The following TBC1D32 variants were observed in gnomAD, a reference collection of about 807,000 sequenced individuals.
TBC1D32 encodes the protein protein broad-minded.
A neutral mutation model predicts 170.3 loss-of-function variants in TBC1D32; 151 were observed. The observed-to-expected ratio is 0.89, with a 90% CI of 0.78 to 1.01. TBC1D32 has a LOEUF of 1.01. TBC1D32 is among the 50% of genes least tolerant of loss of function. TBC1D32 has a pLI of 0.00. For missense variants in TBC1D32, 1,464 were observed against 1,457.1 expected, an observed-to-expected ratio of 1.00 and a Z score of -0.08; for synonymous variants, 498 against 488.0, an observed-to-expected ratio of 1.02 and a Z score of -0.27.
At chr6:121,318,527 A>T (rs916760514) in intron 2 of TBC1D32, among the ~76,000 whole-genome samples, 8 of 152,040 alleles carry the variant, frequency 5.3e-5, no homozygotes, top group Non-Finnish European at 1.2e-4. Flanking sequence ...AAAAAGGCAT[A>T]AAGATGTAAG....
chr6:121,198,085 A>C lies in TBC1D32; in HGVS notation c.2570+6990T>G, dbSNP rs186228094. ...GTTGGACCGGCTCTCCTTGCTCCTC[A>C]AGTTTGCAGACAGCCTATTGTGAAA... On this transcript the variant is annotated intron_variant, in intron 22 of 31. Coordinates refer to ENST00000398212, the MANE Select transcript of TBC1D32 (RefSeq NM_152730.6). Among the ~76,000 whole-genome samples the C allele has an allele frequency of 6.4e-4, 94 of 146,388 alleles. 3 individuals are homozygous for C. The highest frequency in any genetic ancestry group is 2.4e-3 in the African/African-American group (88 of 36,450).
chr6:121,239,945 T>C (rs2128358044), intron 19 of TBC1D32, among the ~76,000 whole-genome samples: 1 of 152,258 alleles, frequency 6.6e-6, no homozygotes, highest in East Asian at 1.9e-4. Context: ...TCAAGAATAT[T>C]AGAGTTTAAA....
At chr6:121,281,780 A>G (rs1803031347) in intron 13 of TBC1D32, 94 bp from the exon 14 acceptor site, 2 of 891,490 alleles carry the variant, frequency 2.2e-6, no homozygotes, top group Non-Finnish European at 3.3e-6. Context: ...TCAACATCAA[A>G]GTTAATTCAG....
chr6:121,091,311 T>C (rs1206727363), intron 30 of TBC1D32, among the ~76,000 whole-genome samples: 1 of 152,194 alleles, frequency 6.6e-6, no homozygotes. Flanking sequence ...GCCTTTTTTA[T>C]TCTTATTGTG....
chr6:121,236,689 A>G (rs1796367566), intron 20 of TBC1D32, among the ~76,000 whole-genome samples: 1 of 152,102 alleles, frequency 6.6e-6, no homozygotes, highest in South Asian at 2.1e-4. Context: ...AAGTCAAACA[A>G]ATTGAATAAA....
chr6:121,201,194 T>G (rs1039553749), intron 22 of TBC1D32, among the ~76,000 whole-genome samples: 1 of 151,216 alleles, frequency 6.6e-6, no homozygotes, highest in Non-Finnish European at 1.5e-5. Context: ...AGAATACGTA[T>G]TCAATAAATA....
At chr6:121,212,783 T>C (rs902557295) in intron 21 of TBC1D32, among the ~76,000 whole-genome samples, 3 of 152,080 alleles carry the variant, frequency 2.0e-5, no homozygotes, top group Non-Finnish European at 4.4e-5. Flanking sequence ...TTTGATGAAC[T>C]TGATGCAAAA....
chr6:121,085,300 CATATATATACATAT>C (rs1776115270), intron 31 of TBC1D32, among the ~76,000 whole-genome samples: 2 of 143,114 alleles, frequency 1.4e-5, no homozygotes, highest in Non-Finnish European at 3.0e-5. Context: ...TATATACATA[CATATATATACATAT>C]ATACACATAT....
intron 24 of TBC1D32, among the ~76,000 whole-genome samples, chr6:121,143,091 A>G (rs1018358229): frequency 1.3e-5 from 2 of 152,184 alleles, no homozygotes; most frequent in African/African-American, 4.8e-5. Flanking sequence ...ACCATAATAT[A>G]AGTTACAACA....
At position 121,091,831 on chromosome 6, in the gene TBC1D32, C is replaced by T. The variant is rs1027407312; in HGVS notation, c.3466-790G>A. ...TATTCGAAAATAGGGTCTTTACAGA[C>T]GTAATCAGGTTAAAATGAGGTCATT... is the stretch of plus-strand genomic sequence containing the variant. On this transcript the variant is annotated intron_variant, in intron 30 of 31. Coordinates refer to ENST00000398212, the MANE Select transcript of TBC1D32 (RefSeq NM_152730.6). Among the ~76,000 whole-genome samples, 7 of 152,168 alleles carry T rather than the reference C, an allele frequency of 4.6e-5. 1 individual carries two copies. The Middle Eastern group carries it at 0.01, about 222-fold the overall frequency.
At chr6:121,287,912 T>A (rs538882343) in intron 12 of TBC1D32, among the ~76,000 whole-genome samples, 4 of 152,216 alleles carry the variant, frequency 2.6e-5, no homozygotes, top group South Asian at 2.1e-4. Flanking sequence ...ACTGGGTACA[T>A]AACAAAATGA....
rs541365649 is a variant in TBC1D32, at chr6:121,307,752, T to C, written c.690+224A>G. Among the ~76,000 whole-genome samples the C allele has an allele frequency of 5.9e-5, 9 of 152,028 alleles. No individual in the cohort carries two copies. The South Asian group carries it at 1.9e-3, about 32-fold the overall frequency. On this transcript the variant is annotated intron_variant, in intron 5 of 31. Transcript: ENST00000398212. ...GTGGCATGCCTATAATCCCAGCTAC[T>C]CAGGAGGCTGAGGCAGGAGAATCTA...
intron 22 of TBC1D32, among the ~76,000 whole-genome samples, chr6:121,180,972 A>T (rs1788430113): frequency 6.6e-6 from 1 of 152,158 alleles, no homozygotes; most frequent in Non-Finnish European, 1.5e-5. Context: ...CAAATGGCCA[A>T]GAGGTATATG....
intron 22 of TBC1D32, among the ~76,000 whole-genome samples, chr6:121,192,061 A>AC (rs1562844222): frequency 5.1e-5 from 1 of 19,776 alleles, no homozygotes; most frequent in African/African-American, 7.3e-5. Flanking sequence ...TTAATAAACT[A>AC]CCCTTTATAT....
rs186877292 is a variant in TBC1D32, at chr6:121,147,834, G to A, written c.2773+12176C>T. On this transcript the variant is annotated intron_variant, in intron 24 of 31. Transcript: ENST00000398212. ...GTCTTGATCTCCTGATCTCAGGATC[G>A]GCCTGCCTCGGCCTCTCAAAGTGCT... is the stretch of plus-strand genomic sequence containing the variant. Among the ~76,000 whole-genome samples the A allele has an allele frequency of 7.4e-4, 112 of 151,632 alleles. 1 individual carries two copies. In the East Asian group the frequency reaches 0.02, roughly 27 times the overall value.
Position 121,112,640 on chromosome 6 carries a change from A to G in TBC1D32, c.3189T>C (p.Tyr1063=), listed in dbSNP as rs1447911860. Residue 1063 remains tyrosine (Y), a synonymous_variant, in exon 29 of 32, where the codon TAT becomes TAC. Transcript: ENST00000398212. ...AAGATACAAACCAGTCATGGCCAGCATAATTCCCTTGCAGGCAGACTGAAA... is the reference window on the plus strand; with the variant it reads ...AAGATACAAACCAGTCATGGCCAGCGTAATTCCCTTGCAGGCAGACTGAAA... The part of the protein sequence containing the change: ...KSSLLCLQGN[Y]AGHDWFVSSL... The G allele has an allele frequency of 6.3e-7, 1 of 1,586,528 alleles. No individual in the cohort carries two copies. The highest frequency in any genetic ancestry group is 1.2e-5 in the South Asian group (1 of 84,494).
Position 121,304,572 on chromosome 6 carries a change from A to G in TBC1D32, c.823T>C (p.Ser275Pro), listed in dbSNP as rs375331890. ...LSRENHIPTLSAGVDITNPNM... is the reference protein window; with the variant it reads ...LSRENHIPTLPAGVDITNPNM... ...GGATTAGTTATATCTACACCAGCTG[A>G]AAGAGTAGGAATATGATTTTCCCTA... Residue 275 changes from serine (S) to proline (P), a missense_variant, in exon 7 of 32, where the codon TCA (serine) becomes CCA (proline). Around this residue, in one of 3 missense-constraint regions of TBC1D32, gnomAD observed 1,363 missense variants for 1,338.1 expected, o/e 1.02. Transcript: ENST00000398212. 2 of 1,612,266 alleles carry G rather than the reference A, an allele frequency of 1.2e-6. No individual in the cohort carries two copies.
At chr6:121,309,659 A>G in intron 4 of TBC1D32, among the ~76,000 whole-genome samples, 1 of 152,320 alleles carries the variant, frequency 6.6e-6, no homozygotes, top group South Asian at 2.1e-4. Context: ...CTTTCAAATG[A>G]AATAATTCTT....
intron 1 of TBC1D32, among the ~76,000 whole-genome samples, chr6:121,326,928 C>T (rs1334609575): frequency 6.6e-6 from 1 of 152,144 alleles, no homozygotes; most frequent in Non-Finnish European, 1.5e-5. Context: ...TCAAGTGGGC[C>T]TTCTACTCTT....
Sources: gnomAD v4.1 joint callset for allele counts (sites outside exome capture counted in the v4.1 genomes callset) on GRCh38, gnomAD v4.1.1 for gene constraint, gnomAD v4.1.1 regional missense constraint, MANE v1.5 for transcripts, NCBI Gene and HGNC (gene_info 2026-07-23, HGNC 2026-07-21) for gene names.